VSTM5: variants seen among roughly 807,000 people sequenced by gnomAD.
VSTM5 encodes V-set and transmembrane domain containing 5.
VSTM5 carries 21 observed loss-of-function variants against 20.3 expected under a neutral mutation model. That is an observed-to-expected ratio of 1.03 (90% CI 0.73 to 1.49). VSTM5 has a LOEUF of 1.49. Among genes scored for constraint, VSTM5 ranks in the 40% most tolerant of loss-of-function variants. VSTM5 has a pLI of 0.00. For missense variants in VSTM5, 219 were observed against 250.0 expected, an observed-to-expected ratio of 0.88 and a Z score of 0.84; for synonymous variants, 100 against 102.5, an observed-to-expected ratio of 0.98 and a Z score of 0.14.
chr11:93,821,114 C>T lies in VSTM5; in HGVS notation c.301G>A (p.Asp101Asn). 1 of 1,552,030 alleles carries T rather than the reference C, an allele frequency of 6.4e-7. No individual in the cohort carries two copies. Among genetic ancestry groups the T allele is most frequent in the Non-Finnish European group, 8.7e-7 (1 of 1,147,064 alleles). Residue 101 changes from aspartate (D) to asparagine (N), a missense_variant, in exon 2 of 4, where the codon GAC becomes AAC. Asp to Asn is a conservative substitution (Grantham distance 23). Coordinates refer to ENST00000409977, the MANE Select transcript of VSTM5 (RefSeq NM_001144871.2). ...CTGAAGAGCTGGATGGAGCCGTTGT[C>T]AAAGGTGCAGACTCTGTCCTTGTGG... ...QSHKDRVCTF[D>N]NGSIQLFSVG...
At chr11:93,830,545 T>TC (rs1383005742) in intron 1 of VSTM5, among the ~76,000 whole-genome samples, 2 of 152,158 alleles carry the variant, frequency 1.3e-5, no homozygotes, top group Non-Finnish European at 2.9e-5. Flanking sequence ...ATGCTGAAAA[T>TC]ATACTTGCAT....
intron 1 of VSTM5, among the ~76,000 whole-genome samples, chr11:93,833,839 G>C (rs1270844720): frequency 6.6e-6 from 1 of 151,936 alleles, no homozygotes; most frequent in Non-Finnish European, 1.5e-5. Context: ...CCCATCCAGT[G>C]ATCTCATCTA....
intron 1 of VSTM5, among the ~76,000 whole-genome samples, chr11:93,825,966 G>C (rs1437743594): frequency 6.6e-6 from 1 of 152,018 alleles, no homozygotes; most frequent in East Asian, 1.9e-4. Flanking sequence ...GCCAGGCTCA[G>C]TGGCTCACGT....
At position 93,831,171 on chromosome 11, in the gene VSTM5, C is replaced by A. The variant is rs183552703; in HGVS notation, c.92-9848G>T. On this transcript the variant is annotated intron_variant, in intron 1 of 3. Coordinates refer to ENST00000409977, the MANE Select transcript of VSTM5 (RefSeq NM_001144871.2). ...ACCTCCTGAGTTCAAGCAATCCTCC[C>A]ACCTCAGCCTCCTTAGTAGCTGGGA... is the stretch of plus-strand genomic sequence containing the variant. 2.6e-3 allele frequency among the ~76,000 whole-genome samples: 395 copies of A among 152,108 alleles called. 7 individuals carry two copies. The highest frequency in any genetic ancestry group is 9.2e-3 in the African/African-American group (381 of 41,504).
chr11:93,831,687 C>A (rs575486040), intron 1 of VSTM5, among the ~76,000 whole-genome samples: 1 of 152,158 alleles, frequency 6.6e-6, no homozygotes, highest in African/African-American at 2.4e-5. Flanking sequence ...GTGGAGGCTA[C>A]CAGGCTGTTC....
At chr11:93,831,253 T>C (rs1944281743) in intron 1 of VSTM5, among the ~76,000 whole-genome samples, 4 of 152,068 alleles carry the variant, frequency 2.6e-5, no homozygotes. Context: ...GGTCTCGAAC[T>C]CCTGGGCTCA....
At chr11:93,827,928 G>GTAA (rs2135732088) in intron 1 of VSTM5, among the ~76,000 whole-genome samples, 1 of 152,248 alleles carries the variant, frequency 6.6e-6, no homozygotes, top group East Asian at 1.9e-4. Flanking sequence ...AAGTGTTGGA[G>GTAA]TAATATATGT....
intron 1 of VSTM5, among the ~76,000 whole-genome samples, chr11:93,837,376 A>G (rs1452240020): frequency 3.3e-5 from 5 of 152,074 alleles, no homozygotes; most frequent in Non-Finnish European, 7.3e-5. Flanking sequence ...CCTGTATCAC[A>G]CACATGCATG....
chr11:93,825,867 A>G (rs1445965931), intron 1 of VSTM5, among the ~76,000 whole-genome samples: 1 of 151,458 alleles, frequency 6.6e-6, no homozygotes, highest in Non-Finnish European at 1.5e-5. Context: ...CACCTGGTCA[A>G]GGTCAGAAAT....
In VSTM5 at chr11:93,825,100, C is replaced by T. The variant is rs1007134509; in HGVS notation, c.92-3777G>A. ...ACTTTGAAATCAGGAGGCATGATGC[C>T]TTCAGCTTTGTTCTTCTTTCTCAAG... On this transcript the variant is annotated intron_variant, in intron 1 of 3. Transcript: ENST00000409977. Among the ~76,000 whole-genome samples, 188 of 152,168 alleles carry T rather than the reference C, an allele frequency of 1.2e-3. 13 individuals are homozygous for T. Among genetic ancestry groups the T allele is most frequent in the Non-Finnish European group, 2.9e-5 (2 of 68,026 alleles).
intron 1 of VSTM5, among the ~76,000 whole-genome samples, chr11:93,843,140 C>T (rs139149441): frequency 2.9e-4 from 44 of 152,032 alleles, no homozygotes; most frequent in African/African-American, 1.0e-3. Flanking sequence ...ACCACAGGTT[C>T]GAGTAAATTC....
chr11:93,821,844 C>T (rs1944189555), intron 1 of VSTM5: 1 of 154,734 alleles, frequency 6.5e-6, no homozygotes, highest in Admixed American at 6.4e-5. Context: ...TCCCTGAACC[C>T]AGTACAATGC....
At chr11:93,835,306 G>A (rs1591400466) in intron 1 of VSTM5, among the ~76,000 whole-genome samples, 1 of 151,922 alleles carries the variant, frequency 6.6e-6, no homozygotes, top group African/African-American at 2.4e-5. Context: ...ACCTGTAGTT[G>A]CAGCTACTCA....
intron 1 of VSTM5, among the ~76,000 whole-genome samples, chr11:93,846,203 G>T (rs79344875): frequency 8.5e-5 from 10 of 117,138 alleles, no homozygotes; most frequent in Non-Finnish European, 1.5e-4. Flanking sequence ...GATATAGTAA[G>T]TTTTTTTTTG....
At chr11:93,839,154 G>C (rs1390774798) in intron 1 of VSTM5, among the ~76,000 whole-genome samples, 1 of 152,228 alleles carries the variant, frequency 6.6e-6, no homozygotes, top group Non-Finnish European at 1.5e-5. Context: ...TCTCTGTCCC[G>C]AGAGTGTGAA....
chr11:93,830,451 G>A (rs914370970), intron 1 of VSTM5, among the ~76,000 whole-genome samples: 9 of 150,990 alleles, frequency 6.0e-5, no homozygotes, highest in African/African-American at 1.7e-4. Context: ...GCCCAAGACC[G>A]CAAGATCGTT....
chr11:93,847,039 A>T (rs539990620), intron 1 of VSTM5, among the ~76,000 whole-genome samples: 2 of 152,174 alleles, frequency 1.3e-5, no homozygotes, highest in Non-Finnish European at 2.9e-5. Flanking sequence ...TGCTGGGATT[A>T]CAGGCATGAG....
intron 1 of VSTM5, among the ~76,000 whole-genome samples, chr11:93,831,241 C>G (rs1309291330): frequency 6.6e-6 from 1 of 151,960 alleles, no homozygotes; most frequent in Non-Finnish European, 1.5e-5. Flanking sequence ...GGTGTTCAGG[C>G]AGGTCTCGAA....
At chr11:93,845,652 G>A (rs1591404296) in intron 1 of VSTM5, among the ~76,000 whole-genome samples, 1 of 152,196 alleles carries the variant, frequency 6.6e-6, no homozygotes, top group African/African-American at 2.4e-5. Context: ...AAATCCAGGT[G>A]CAGAGAAGCC....
Sources: gnomAD v4.1 joint callset for allele counts (sites outside exome capture counted in the v4.1 genomes callset) on GRCh38, gnomAD v4.1.1 for gene constraint, MANE v1.5 for transcripts, NCBI Gene and HGNC (gene_info 2026-07-23, HGNC 2026-07-21) for gene names.